The following SMG6 variants were observed in gnomAD, a reference collection of about 807,000 sequenced individuals.
The protein encoded by SMG6 is SMG6 nonsense mediated mRNA decay factor.
Under a neutral mutation model 142.2 loss-of-function variants are expected in SMG6, and 66 were observed. The observed-to-expected ratio is 0.46, with a 90% CI of 0.38 to 0.57. The LOEUF is 0.57. Ranked by LOEUF, SMG6 falls within the 20% of genes least tolerant of loss-of-function variation. SMG6 has a pLI of 0.00. For synonymous variants in SMG6, 779 were observed against 702.4 expected (o/e 1.11, Z -1.72); for missense variants, 1,793 against 1,832.0 (o/e 0.98, Z 0.39).
chr17:2,206,824 G>A (rs1209209185), intron 10 of SMG6, among the ~76,000 whole-genome samples: 1 of 151,524 alleles, frequency 6.6e-6, no homozygotes, highest in Non-Finnish European at 1.5e-5. Context: ...GAAGGCGGAG[G>A]TCACAGTGAA....
chr17:2,127,562 C>A, intron 13 of SMG6: 1 of 592,912 alleles, frequency 1.7e-6, no homozygotes, highest in South Asian at 1.4e-5. Context: ...ATCTTCCTAT[C>A]TCTCTGGGTG....
At chr17:2,286,127 C>T (rs114532133) in intron 6 of SMG6, among the ~76,000 whole-genome samples, 109 of 152,092 alleles carry the variant, frequency 7.2e-4, no homozygotes, top group African/African-American at 2.3e-3. Context: ...AATTAAAGAA[C>T]GAAGTAAATG....
At chr17:2,260,575 T>A (rs1178336355) in intron 8 of SMG6, among the ~76,000 whole-genome samples, 1 of 152,216 alleles carries the variant, frequency 6.6e-6, no homozygotes, top group African/African-American at 2.4e-5. Flanking sequence ...CTCTGAACAA[T>A]GAAAATCAAT....
chr17:2,236,907 G>T, intron 9 of SMG6: 1 of 1,045,480 alleles, frequency 9.6e-7, no homozygotes, highest in East Asian at 5.1e-5. Flanking sequence ...TTATGCTTTG[G>T]TATGCTATTT....
At chr17:2,258,327 A>G (rs1274338000) in intron 8 of SMG6, among the ~76,000 whole-genome samples, 2 of 152,064 alleles carry the variant, frequency 1.3e-5, no homozygotes, top group African/African-American at 4.8e-5. Flanking sequence ...AGGCTGACGC[A>G]GGCAGATCAA....
chr17:2,060,393 C>G lies in SMG6; in HGVS notation c.*1099G>C, dbSNP rs1437163626. 6.6e-6 allele frequency: 1 copy of G among 152,288 alleles called. No individual in the cohort carries two copies. Among genetic ancestry groups the G allele is most frequent in the Admixed American group, 6.5e-5 (1 of 15,282 alleles). 9.4% of individuals were successfully genotyped at this position (152,288 alleles called of 1,614,324 possible). On this transcript the variant is annotated 3_prime_UTR_variant, in exon 19 of 19. Transcript: ENST00000263073. ...CAGGTTAGGCGACGGTGCCCCAGCACTGGAATGCCTCAGGCTGGGCTGTCC... is the reference window on the plus strand; with the variant it reads ...CAGGTTAGGCGACGGTGCCCCAGCAGTGGAATGCCTCAGGCTGGGCTGTCC...
rs377097843 is a variant in SMG6, at chr17:2,190,194, C to T, written c.2870-1679G>A. Among the ~76,000 whole-genome samples, 8 of 152,270 alleles carry T rather than the reference C, an allele frequency of 5.3e-5. No individual in the cohort carries two copies. In the South Asian group the frequency reaches 1.7e-3, roughly 32 times the overall value. On this transcript the variant is annotated intron_variant, in intron 10 of 18. Coordinates refer to ENST00000263073, the MANE Select transcript of SMG6 (RefSeq NM_017575.5). ...GCTCAGTCCAGGCCATTGCCACGCC[C>T]GGACAACATCCTGCCTCTAACTAGC...
chr17:2,181,721 T>C (rs1015805994), intron 12 of SMG6, among the ~76,000 whole-genome samples: 3 of 152,218 alleles, frequency 2.0e-5, no homozygotes, highest in African/African-American at 7.2e-5. Context: ...CGGGGATGGC[T>C]GTAGCTTGGA....
chr17:2,185,879 T>G (rs918400791), intron 12 of SMG6, among the ~76,000 whole-genome samples: 3 of 152,082 alleles, frequency 2.0e-5, no homozygotes, highest in African/African-American at 4.8e-5. Context: ...CACGCTGCCA[T>G]GCCAGGAGAC....
At chr17:2,099,461 A>G (rs1364822274) in intron 13 of SMG6, among the ~76,000 whole-genome samples, 1 of 152,012 alleles carries the variant, frequency 6.6e-6, no homozygotes, top group South Asian at 2.1e-4. Context: ...ACATTTAATG[A>G]TCTTCAAAGC....
chr17:2,229,233 CAAACAA>C (rs2073402486), intron 10 of SMG6: 1 of 152,176 alleles, frequency 6.6e-6, no homozygotes, highest in Non-Finnish European at 1.5e-5. Context: ...CTGAGTTGCC[CAAACAA>C]CAACCTTCTG....
rs1249064844 is a variant in SMG6, at chr17:2,085,985, A to C, written c.3358-84T>G. ...AGATGTTGCTTGCCGGCTGAGGGGC[A>C]CAGGGGAACTGTGTCAAAGCTACCA... On this transcript the variant is annotated intron_variant, in intron 13 of 18. Transcript: ENST00000263073. This position sits in a 1 kb window ranked among gnomAD's most constrained non-coding sequence, Gnocchi z 4.1. 1 of 1,395,522 alleles carries C rather than the reference A, an allele frequency of 7.2e-7. No homozygotes were observed. Among genetic ancestry groups the C allele is most frequent in the African/African-American group, 1.4e-5 (1 of 70,100 alleles). 86.4% of individuals were successfully genotyped at this position (1,395,522 alleles called of 1,614,324 possible).
At chr17:2,087,912 C>A in intron 13 of SMG6, 1 of 985,860 alleles carries the variant, frequency 1.0e-6, no homozygotes, top group Non-Finnish European at 1.2e-6. Flanking sequence ...AGCCACCTGA[C>A]CCCACTATGA....
Position 2,061,475 on chromosome 17 carries a change from GCC to G in SMG6, c.*15_*16del, listed in dbSNP as rs757197344. The G allele has an allele frequency of 1.7e-5, 26 of 1,565,194 alleles. No individual in the cohort carries two copies. In the Admixed American group the frequency reaches 4.7e-4, roughly 28 times the overall value. ...TCAGGAACGGTTCCACGGGGGGGGG[GCC>G]CCAGTGTGGCTCCCTCAGCCCACCT... is the stretch of plus-strand genomic sequence containing the variant. On this transcript the variant is annotated 3_prime_UTR_variant, in exon 19 of 19. Transcript: ENST00000263073.
rs146295142 is a variant in SMG6, at chr17:2,085,422, C to G, written c.3534+303G>C. ...TCTATAAACTTGATCCTGACCACCC[C>G]CCTCTCCCTTTCCTAAGCCTCGAGA... On this transcript the variant is annotated intron_variant, in intron 14 of 18. Coordinates refer to ENST00000263073, the MANE Select transcript of SMG6 (RefSeq NM_017575.5). The surrounding 1 kb of genome is among the most constrained non-coding windows in gnomAD (Gnocchi z 4.1). Among the ~76,000 whole-genome samples, 601 of 152,264 alleles carry G rather than the reference C, an allele frequency of 3.9e-3. 4 individuals are homozygous for G. Among genetic ancestry groups the G allele is most frequent in the South Asian group, 8.1e-3 (39 of 4,824 alleles).
At chr17:2,211,683 A>G (rs202156806) in intron 10 of SMG6, among the ~76,000 whole-genome samples, 4 of 144,424 alleles carry the variant, frequency 2.8e-5, no homozygotes, top group South Asian at 2.2e-4. Context: ...AAAAAAAAAA[A>G]GGGCGTTCTT....
intron 8 of SMG6, among the ~76,000 whole-genome samples, chr17:2,268,342 G>C (rs1020074888): frequency 2.0e-5 from 3 of 152,178 alleles, no homozygotes; most frequent in African/African-American, 7.2e-5. Context: ...ATAAAACCAT[G>C]CTCTGATCTA....
At chr17:2,164,275 T>C (rs2071265943) in intron 13 of SMG6, among the ~76,000 whole-genome samples, 1 of 149,932 alleles carries the variant, frequency 6.7e-6, no homozygotes, top group Non-Finnish European at 1.5e-5. Context: ...ATACAAAAAT[T>C]AGCCGGGCAT....
chr17:2,152,877 C>A (rs1238565189), intron 13 of SMG6, among the ~76,000 whole-genome samples: 1 of 151,690 alleles, frequency 6.6e-6, no homozygotes, highest in Non-Finnish European at 1.5e-5. Flanking sequence ...GACTGATGCA[C>A]AAATGTTTAC....
Sources: allele counts gnomAD v4.1 joint callset (sites outside exome capture counted in the v4.1 genomes callset), GRCh38; gene constraint gnomAD v4.1.1; non-coding constraint Gnocchi (gnomAD v3.1); transcripts MANE v1.5; gene names NCBI Gene and HGNC (gene_info 2026-07-23, HGNC 2026-07-21).